The following ZBTB1 variants were observed in gnomAD, a reference collection of about 807,000 sequenced individuals.
The protein encoded by ZBTB1 is zinc finger and BTB domain containing 1.
Under a neutral mutation model 51.6 loss-of-function variants are expected in ZBTB1, and 13 were observed. The ratio of observed to expected loss-of-function variants is 0.25; its 90% CI spans 0.16 to 0.40. The LOEUF (loss-of-function observed/expected upper bound fraction) is 0.40. ZBTB1 is among the 10% of genes least tolerant of loss of function. The probability of loss-of-function intolerance (pLI) is 1.00; values close to 1 mark genes in which losing one functional copy is unlikely to be tolerated. For synonymous variants in ZBTB1, 240 were observed against 282.2 expected, an observed-to-expected ratio of 0.85 and a Z score of 1.50; for missense variants, 567 against 856.5, an observed-to-expected ratio of 0.66 and a Z score of 4.22.
chr14:64,509,824 A>T (rs1252089724), intron 1 of ZBTB1, among the ~76,000 whole-genome samples: 2 of 151,850 alleles, frequency 1.3e-5, no homozygotes, highest in Non-Finnish European at 2.9e-5. Context: ...ACAAAAAAAA[A>T]AAATTGGCCG....
In ZBTB1 at chr14:64,523,944, T is replaced by G; in HGVS notation, c.*298T>G. 4 of 1,058,592 alleles carry G rather than the reference T, an allele frequency of 3.8e-6. No homozygotes were observed. Among genetic ancestry groups the G allele is most frequent in the Non-Finnish European group, 4.6e-6 (4 of 868,666 alleles). 65.6% of individuals were successfully genotyped at this position (1,058,592 alleles called of 1,614,324 possible). On this transcript the variant is annotated 3_prime_UTR_variant, in exon 2 of 2. Coordinates refer to ENST00000683701, the MANE Select transcript of ZBTB1 (RefSeq NM_001123329.2). This position sits in a 1 kb window ranked among gnomAD's most constrained non-coding sequence, Gnocchi z 4.5. ...CATTCAATGACTATTAAACTTTAGT[T>G]TTTCATCAATAAGGTGATGACTTCA...
intron 1 of ZBTB1, among the ~76,000 whole-genome samples, chr14:64,510,796 TTTC>T (rs1596687254): frequency 2.0e-5 from 3 of 152,206 alleles, no homozygotes; most frequent in Non-Finnish European, 2.9e-5. Flanking sequence ...TGATATGATT[TTTC>T]TTCTTCATGA....
chr14:64,532,827 T>TTAGTC (rs1192236994), exon 3 of ZBTB1: 1 of 152,076 alleles, frequency 6.6e-6, no homozygotes, highest in Non-Finnish European at 1.5e-5. Flanking sequence ...TGGTGAGATT[T>TTAGTC]TAGTCTGGCT....
chr14:64,524,756 CAT>C lies in ZBTB1; in HGVS notation c.*1111_*1112del, dbSNP rs2079890905. ...GCAGTTTATCGCCATATTTTATTAT[CAT>C]TTTTTTCTGTAAAAGACTATAAAAC... On this transcript the variant is annotated 3_prime_UTR_variant, in exon 2 of 2. Transcript: ENST00000683701. 1.0e-6 allele frequency: 1 copy of C among 981,556 alleles called. No individual in the cohort carries two copies. Among genetic ancestry groups the C allele is most frequent in the South Asian group, 4.7e-5 (1 of 21,194 alleles). 60.8% of individuals were successfully genotyped at this position (981,556 alleles called of 1,614,324 possible). A position where few individuals can be genotyped will look rare whatever the true frequency, so the allele number is the denominator to read the frequency against.
chr14:64,523,978 A>ATG lies in ZBTB1; in HGVS notation c.*336_*337dup, dbSNP rs559846005. The ATG allele has an allele frequency of 2.6e-5, 26 of 1,000,472 alleles. No homozygotes were observed. In the East Asian group the frequency reaches 2.0e-3, roughly 77 times the overall value. 62.0% of individuals were successfully genotyped at this position (1,000,472 alleles called of 1,614,324 possible). A position where few individuals can be genotyped will look rare whatever the true frequency, so the allele number is the denominator to read the frequency against. On this transcript the variant is annotated 3_prime_UTR_variant, in exon 2 of 2. Transcript: ENST00000683701. The surrounding 1 kb of genome is among the most constrained non-coding windows in gnomAD (Gnocchi z 4.5). ...ATAAGGTGATGACTTCACTATTTCTATGTGTTTTTTTTTTTTTAAGGTTAT... is the reference window on the plus strand; with the variant it reads ...ATAAGGTGATGACTTCACTATTTCTATGTGTGTTTTTTTTTTTTTAAGGTTAT...
At chr14:64,517,838 C>A (rs2079811142) in intron 1 of ZBTB1, among the ~76,000 whole-genome samples, 1 of 123,400 alleles carries the variant, frequency 8.1e-6, no homozygotes, top group Admixed American at 1.0e-4. Flanking sequence ...GGCTGGAGTA[C>A]AGTGGCATGA....
Position 64,522,174 on chromosome 14 carries a change from G to A in ZBTB1, c.670G>A (p.Gly224Ser). The change falls in exon 2 of 2, where the codon GGC becomes AGC. Residue 224 changes from glycine to serine, a missense_variant. Gly to Ser is a moderately conservative substitution (Grantham distance 56). This residue lies in a region of ZBTB1 where 26 missense variants were observed against 67.0 expected (regional missense o/e 0.39). Coordinates refer to ENST00000683701, the MANE Select transcript of ZBTB1 (RefSeq NM_001123329.2). ...RSFTCDSCGF[G>S]FSCEKLLDEH... ...TTTTACCTGTGATAGCTGTGGATTT[G>A]GCTTTAGCTGTGAAAAATTATTAGA... 6.2e-7 allele frequency: 1 copy of A among 1,614,204 alleles called. No homozygotes were observed.
chr14:64,508,819 C>A (rs1404224495), intron 1 of ZBTB1, among the ~76,000 whole-genome samples: 1 of 152,116 alleles, frequency 6.6e-6, no homozygotes, highest in Non-Finnish European at 1.5e-5. Flanking sequence ...ATAAAACTTA[C>A]CTGTTTAAAC....
intron 2 of ZBTB1, chr14:64,531,772 A>G: frequency 1.3e-6 from 2 of 1,550,084 alleles, no homozygotes; most frequent in Non-Finnish European, 1.8e-6. Context: ...AAAGCCAAGA[A>G]ATTCTGATCT....
Position 64,507,390 on chromosome 14 carries a change from A to G in ZBTB1, c.-19+2444A>G, listed in dbSNP as rs752406541. Among the ~76,000 whole-genome samples the G allele has an allele frequency of 2.6e-5, 4 of 152,346 alleles. No homozygotes were observed. In the East Asian group the frequency reaches 7.7e-4, roughly 29 times the overall value. On this transcript the variant is annotated intron_variant, in intron 1 of 1. Coordinates refer to ENST00000683701, the MANE Select transcript of ZBTB1 (RefSeq NM_001123329.2). The stretch of plus-strand genomic sequence containing the variant: ...CAAAATGGAAATGTTTTTTATTATA[A>G]AATCCATGCTCTTTGAAAAATTCAG...
At chr14:64,532,074 T>C (rs2079946234) in exon 3 of ZBTB1, 1 of 631,536 alleles carries the variant, frequency 1.6e-6, no homozygotes, top group Non-Finnish European at 2.6e-6. Flanking sequence ...TAAAGATCAC[T>C]TTGGAATCAC....
At chr14:64,528,976 GCTC>G (rs1406927594), downstream of ZBTB1, among the ~76,000 whole-genome samples, 1 of 152,078 alleles carries the variant, frequency 6.6e-6, no homozygotes, top group East Asian at 1.9e-4. Flanking sequence ...ATGTGATAAA[GCTC>G]CTATGAGATT....
intron 1 of ZBTB1, among the ~76,000 whole-genome samples, chr14:64,517,775 A>ATTTTTTTTTTTTTTTTTTTTT (rs1252916279): frequency 1.5e-5 from 1 of 67,994 alleles, no homozygotes; most frequent in African/African-American, 6.9e-5. Context: ...ATATATATAT[A>ATTTTTTTTTTTTTTTTTTTTT]TATATATTTT....
chr14:64,514,217 T>C (rs978105426), intron 1 of ZBTB1: 1 of 152,118 alleles, frequency 6.6e-6, no homozygotes, highest in Non-Finnish European at 1.5e-5. Context: ...CTATAAGACA[T>C]AGAAATAGGT....
chr14:64,514,670 T>G (rs940854664), intron 1 of ZBTB1, among the ~76,000 whole-genome samples: 4 of 152,238 alleles, frequency 2.6e-5, no homozygotes, highest in African/African-American at 9.6e-5. Context: ...GATTGACATG[T>G]ATGGATAAAG....
intron 1 of ZBTB1, among the ~76,000 whole-genome samples, chr14:64,516,989 G>C (rs1426834191): frequency 2.6e-5 from 4 of 152,156 alleles, no homozygotes; most frequent in African/African-American, 9.7e-5. Context: ...GAACTTCTGT[G>C]CTCTTTATAT....
chr14:64,504,733 T>C (rs895354666), upstream of ZBTB1: 3 of 373,384 alleles, frequency 8.0e-6, no homozygotes, highest in African/African-American at 6.3e-5. Flanking sequence ...CTCAGTGCGG[T>C]GCGGCAGGCG....
chr14:64,522,267 G>C lies in ZBTB1; in HGVS notation c.763G>C (p.Asp255His). Reference protein sequence around the residue: ...QNTRSYHRIVDIRDGKDSNIK... With the variant: ...QNTRSYHRIVHIRDGKDSNIK... ...CACAAGATCTTACCATAGAATAGTA[G>C]ATATTAGAGATGGAAAAGACAGTAA... Residue 255 changes from aspartate (D) to histidine (H), a missense_variant, in exon 2 of 2, where the codon GAT becomes CAT. Asp to His is a moderately conservative substitution (Grantham distance 81). Transcript: ENST00000683701. 1 of 1,614,170 alleles carries C rather than the reference G, an allele frequency of 6.2e-7. No individual in the cohort carries two copies. The highest frequency in any genetic ancestry group is 1.1e-5 in the South Asian group (1 of 91,070).
intron 2 of ZBTB1, among the ~76,000 whole-genome samples, chr14:64,531,146 AAC>A (rs1409400523): frequency 1.3e-5 from 2 of 152,228 alleles, no homozygotes; most frequent in Non-Finnish European, 2.9e-5. Context: ...GCTCATATCA[AAC>A]ACAATCAGGA....
Sources: allele counts gnomAD v4.1 joint callset (sites outside exome capture counted in the v4.1 genomes callset), GRCh38; gene constraint gnomAD v4.1.1; regional missense constraint gnomAD v4.1.1; non-coding constraint Gnocchi (gnomAD v3.1); transcripts MANE v1.5; gene names NCBI Gene and HGNC (gene_info 2026-07-23, HGNC 2026-07-21).